TMC6: variants seen among roughly 807,000 people sequenced by gnomAD.
The protein encoded by TMC6 is transmembrane channel-like protein 6.
Under a neutral mutation model 95.4 loss-of-function variants are expected in TMC6, and 71 were observed. The ratio of observed to expected loss-of-function variants is 0.74; its 90% CI spans 0.61 to 0.91. The LOEUF (loss-of-function observed/expected upper bound fraction) is 0.91. Among genes scored for constraint, TMC6 ranks in the 40% least tolerant of loss-of-function variants. The pLI is 0.00. For synonymous variants in TMC6, 514 were observed against 483.1 expected (o/e 1.06, Z -0.84); for missense variants, 1,074 against 1,079.1 (o/e 1.00, Z 0.07).
In TMC6 at chr17:78,119,194, G is replaced by A. The variant is rs548043261; in HGVS notation, c.1811+103C>T. On this transcript the variant is annotated intron_variant, in intron 14 of 19. Coordinates refer to ENST00000590602, the MANE Select transcript of TMC6 (RefSeq NM_001127198.5). ...CTGCATCACTCCAGGGTCCATGGCCGGGCCTGGCTGTGGCCCCAGGGGGAG... is the reference window on the plus strand; with the variant it reads ...CTGCATCACTCCAGGGTCCATGGCCAGGCCTGGCTGTGGCCCCAGGGGGAG... The A allele has an allele frequency of 4.6e-4, 712 of 1,532,010 alleles. 2 individuals are homozygous for A. Among genetic ancestry groups the A allele is most frequent in the Non-Finnish European group, 5.8e-4 (638 of 1,106,762 alleles). 94.9% of individuals were successfully genotyped at this position (1,532,010 alleles called of 1,614,324 possible). A position where few individuals can be genotyped will look rare whatever the true frequency, so the allele number is the denominator to read the frequency against.
At chr17:78,123,127 C>T in intron 9 of TMC6, 1 of 356,146 alleles carries the variant, frequency 2.8e-6, no homozygotes, top group South Asian at 2.3e-5. Context: ...CTAACCTTCC[C>T]CTCTCAGGGC....
intron 13 of TMC6, 70 bp from the exon 14 acceptor site, chr17:78,119,462 C>A: frequency 6.8e-7 from 1 of 1,465,546 alleles, no homozygotes; most frequent in South Asian, 1.1e-5. Context: ...AGTCCCCACA[C>A]CCAGAGGCAC....
intron 13 of TMC6, chr17:78,120,125 G>A: frequency 3.1e-6 from 1 of 324,240 alleles, no homozygotes; most frequent in Non-Finnish European, 5.9e-6. Flanking sequence ...TTGTATCCTA[G>A]ACTGAGGTTG....
chr17:78,129,347 TC>T (rs1406977594), upstream of TMC6, among the ~76,000 whole-genome samples: 6 of 152,126 alleles, frequency 3.9e-5, no homozygotes, highest in Non-Finnish European at 8.8e-5. This position sits in a 1 kb window ranked among gnomAD's most constrained non-coding sequence, Gnocchi z 4.3. Flanking sequence ...TTTCTGTTAT[TC>T]CCCATGAGCC....
At chr17:78,118,035 TCCAGGCAGAGCCTGGA>T in intron 15 of TMC6, 100 bp from the exon 16 acceptor site, 1 of 1,537,866 alleles carries the variant, frequency 6.5e-7, no homozygotes, top group Non-Finnish European at 8.7e-7. Context: ...GGGCTGTGCG[TCCAGGCAGAGCCTGGA>T]CCCTGCTCCC....
chr17:78,113,505 C>G, intron 19 of TMC6, 43 bp downstream of exon 19: 1 of 1,608,060 alleles, frequency 6.2e-7, no homozygotes, highest in Non-Finnish European at 8.5e-7. Context: ...GCCCCTCTCC[C>G]CTCCAGGCTC....
Position 78,124,765 on chromosome 17 carries a change from C to A in TMC6, c.650G>T (p.Gly217Val). The A allele has an allele frequency of 6.3e-7, 1 of 1,583,206 alleles. No individual in the cohort carries two copies. The highest frequency in any genetic ancestry group is 8.6e-7 in the Non-Finnish European group (1 of 1,165,372). Residue 217 changes from glycine to valine, a missense_variant, in exon 8 of 20, where the codon GGC (glycine) becomes GTC (valine). Physicochemically the swap from Gly to Val is moderately radical, Grantham distance 109. Coordinates refer to ENST00000590602, the MANE Select transcript of TMC6 (RefSeq NM_001127198.5). Reference sequence around the variant, plus strand: ...CTGCAGGGCGGAGAGCAGCGCCAGGCCCAGGCTGTGCAAGGCCTGCGGGCA... The same window carrying A: ...CTGCAGGGCGGAGAGCAGCGCCAGGACCAGGCTGTGCAAGGCCTGCGGGCA... ...YACVLALHSL[G>V]LALLSALQAL... is the part of the protein sequence containing the mutation.
At chr17:78,114,942 C>G (rs1056723518) in intron 18 of TMC6, among the ~76,000 whole-genome samples, 8 of 152,230 alleles carry the variant, frequency 5.3e-5, no homozygotes, top group Non-Finnish European at 1.2e-4. Flanking sequence ...TCTCCCAGCA[C>G]CACTCTGCAT....
intron 18 of TMC6, among the ~76,000 whole-genome samples, chr17:78,115,989 AC>A (rs913735418): frequency 2.6e-5 from 4 of 151,652 alleles, no homozygotes; most frequent in Admixed American, 6.6e-5. Flanking sequence ...ATGGGGTCCG[AC>A]CCCCTTCTGC....
intron 6 of TMC6, 76 bp downstream of exon 6, chr17:78,125,082 C>T: frequency 6.5e-7 from 1 of 1,542,324 alleles, no homozygotes. Flanking sequence ...CCCTTCTCCC[C>T]CACCACCTAG....
chr17:78,113,839 T>C (rs947275303), intron 18 of TMC6: 1 of 581,558 alleles, frequency 1.7e-6, no homozygotes, highest in African/African-American at 1.9e-5. Flanking sequence ...AGCTTCCTAG[T>C]GGCCAAAGTG....
At position 78,128,341 on chromosome 17, in the gene TMC6, C is replaced by G. The variant is rs1279268875; in HGVS notation, c.-75+271G>C. 6.6e-6 allele frequency among the ~76,000 whole-genome samples: 1 copy of G among 152,130 alleles called. No individual in the cohort carries two copies. ...TTCCCATCCCGGCCACACCCCCTCC[C>G]CTCCCCTCCCCGTGCCCTGGCGCTC... On this transcript the variant is annotated intron_variant, in intron 1 of 19. Coordinates refer to ENST00000590602, the MANE Select transcript of TMC6 (RefSeq NM_001127198.5). The surrounding 1 kb of genome is among the most constrained non-coding windows in gnomAD (Gnocchi z 4.0).
At chr17:78,113,656 AATC>A (rs747822974) in intron 18 of TMC6, 32 bp from the exon 19 acceptor site, 1 of 1,609,866 alleles carries the variant, frequency 6.2e-7, no homozygotes, top group Non-Finnish European at 8.5e-7. Flanking sequence ...GGGGAGGAGA[AATC>A]ATCCATCAGC....
At chr17:78,113,717 G>T in intron 18 of TMC6, 93 bp from the exon 19 acceptor site, 1 of 1,315,940 alleles carries the variant, frequency 7.6e-7, no homozygotes, top group Non-Finnish European at 1.1e-6. Context: ...GAAAACTCAC[G>T]AGGTGTATTC....
chr17:78,114,585 G>A (rs2073959632), intron 18 of TMC6, among the ~76,000 whole-genome samples: 1 of 152,102 alleles, frequency 6.6e-6, no homozygotes, highest in Non-Finnish European at 1.5e-5. Flanking sequence ...GCCTGGGTCA[G>A]ACCGGGATTC....
chr17:78,123,912 G>A, intron 9 of TMC6, 77 bp downstream of exon 9: 1 of 1,562,762 alleles, frequency 6.4e-7, no homozygotes, highest in Non-Finnish European at 8.8e-7. Context: ...GAAGAGGGAA[G>A]AATCAATGAA....
At chr17:78,116,096 C>A (rs2074094759) in intron 18 of TMC6, among the ~76,000 whole-genome samples, 2 of 151,776 alleles carry the variant, frequency 1.3e-5, no homozygotes, top group African/African-American at 4.9e-5. Flanking sequence ...TCTCCTGCCT[C>A]CGCCTCCTGA....
chr17:78,131,693 C>G (rs760986305), upstream of TMC6: 20 of 1,578,870 alleles, frequency 1.3e-5, no homozygotes, highest in African/African-American at 2.2e-4. Flanking sequence ...CTGGGACGCC[C>G]GTGCGCGGGC....
intron 14 of TMC6, 114 bp from the exon 15 acceptor site, chr17:78,119,160 G>A: frequency 2.0e-6 from 3 of 1,494,254 alleles, no homozygotes; most frequent in South Asian, 1.1e-5. Flanking sequence ...GAGTCCCCGG[G>A]GTTAGGGTCT....
Sources: gnomAD v4.1 joint callset for allele counts (sites outside exome capture counted in the v4.1 genomes callset) on GRCh38, gnomAD v4.1.1 for gene constraint, Gnocchi (gnomAD v3.1) non-coding constraint, MANE v1.5 for transcripts, NCBI Gene and HGNC (gene_info 2026-07-23, HGNC 2026-07-21) for gene names.